The following C2CD5 variants were observed in gnomAD, a reference collection of about 807,000 sequenced individuals.
C2CD5 encodes C2 calcium dependent domain containing 5.
Under a neutral mutation model 130.3 loss-of-function variants are expected in C2CD5, and 109 were observed. That is an observed-to-expected ratio of 0.84 (90% CI 0.72 to 0.98). The LOEUF (loss-of-function observed/expected upper bound fraction) is 0.98, where lower values mean the gene tolerates loss of function less well. Among genes scored for constraint, C2CD5 ranks in the 50% least tolerant of loss-of-function variants. The pLI is 0.00. For missense variants in C2CD5, 996 were observed against 1,261.8 expected (o/e 0.79, Z 3.19); for synonymous variants, 454 against 429.2 (o/e 1.06, Z -0.71).
At chr12:22,477,249 A>G (rs1943977723) in intron 15 of C2CD5, 1 of 152,166 alleles carries the variant, frequency 6.6e-6, no homozygotes, top group Non-Finnish European at 1.5e-5. Flanking sequence ...TCCAGTGTAT[A>G]TTTTATACTT....
chr12:22,526,324 T>TG (rs750417978), intron 4 of C2CD5, among the ~76,000 whole-genome samples: 44 of 152,312 alleles, frequency 2.9e-4, no homozygotes, highest in Non-Finnish European at 5.0e-4. Flanking sequence ...CACGATGTAC[T>TG]AAACACTTTA....
At chr12:22,497,431 T>C (rs957689334) in intron 10 of C2CD5, 2 of 158,712 alleles carry the variant, frequency 1.3e-5, no homozygotes, top group Admixed American at 6.5e-5. Flanking sequence ...TGTTTAAAAA[T>C]AAAAATTATT....
At chr12:22,509,511 C>T (rs775835879) in intron 9 of C2CD5, among the ~76,000 whole-genome samples, 3 of 152,124 alleles carry the variant, frequency 2.0e-5, no homozygotes, top group Admixed American at 6.5e-5. Context: ...TTCACCTAAT[C>T]GGCACACCAA....
intron 16 of C2CD5, among the ~76,000 whole-genome samples, chr12:22,473,990 C>T (rs10842028): frequency 0.1 from 15,489 of 152,054 alleles, 2,328 homozygotes; most frequent in East Asian, 0.76. Context: ...TAGGCCTGTG[C>T]GTCTCTCATA....
intron 15 of C2CD5, among the ~76,000 whole-genome samples, chr12:22,475,570 T>C (rs1275458246): frequency 6.6e-6 from 1 of 151,962 alleles, no homozygotes; most frequent in Non-Finnish European, 1.5e-5. Context: ...AGAATATGAA[T>C]ACGTGAACGC....
chr12:22,463,085 A>T (rs1050383825), intron 22 of C2CD5, among the ~76,000 whole-genome samples: 1 of 151,260 alleles, frequency 6.6e-6, no homozygotes, highest in Non-Finnish European at 1.5e-5. Flanking sequence ...CCCTGTCTCA[A>T]AGAGAGAGAG....
At chr12:22,511,395 G>C (rs1359691448) in intron 9 of C2CD5, among the ~76,000 whole-genome samples, 1 of 152,100 alleles carries the variant, frequency 6.6e-6, no homozygotes, top group African/African-American at 2.4e-5. Flanking sequence ...AATGGCAGTC[G>C]CAAGTGAATA....
chr12:22,507,861 TTTA>T (rs1210442985), intron 9 of C2CD5, among the ~76,000 whole-genome samples: 1 of 152,212 alleles, frequency 6.6e-6, no homozygotes, highest in Non-Finnish European at 1.5e-5. Context: ...GCTCATATAC[TTTA>T]TTCATAGGAG....
At chr12:22,471,054 C>T in intron 20 of C2CD5, 143 bp from the exon 21 acceptor site, 1 of 615,698 alleles carries the variant, frequency 1.6e-6, no homozygotes, top group Non-Finnish European at 2.9e-6. Context: ...TGTATAAATT[C>T]AAATCATACA....
intron 9 of C2CD5, chr12:22,512,644 T>C: frequency 1.3e-6 from 2 of 1,486,204 alleles, no homozygotes; most frequent in Non-Finnish European, 1.8e-6. Context: ...TTCAGAAACA[T>C]ACCCGCCTTC....
chr12:22,492,954 T>A (rs1946535222), intron 11 of C2CD5, among the ~76,000 whole-genome samples: 1 of 152,146 alleles, frequency 6.6e-6, no homozygotes, highest in Non-Finnish European at 1.5e-5. Flanking sequence ...ATATTCTCAT[T>A]TAATCACTGA....
intron 2 of C2CD5, among the ~76,000 whole-genome samples, chr12:22,536,837 T>C (rs1951862126): frequency 6.6e-6 from 1 of 152,146 alleles, no homozygotes; most frequent in Non-Finnish European, 1.5e-5. Flanking sequence ...ATTCAAGTAT[T>C]ACTTGCATAA....
At chr12:22,455,745 C>T (rs1404567984) in intron 25 of C2CD5, among the ~76,000 whole-genome samples, 2 of 152,070 alleles carry the variant, frequency 1.3e-5, no homozygotes, top group Non-Finnish European at 2.9e-5. Context: ...AGTGCAATGG[C>T]GCAATCTCGG....
intron 7 of C2CD5, among the ~76,000 whole-genome samples, chr12:22,522,772 T>C (rs757068230): frequency 6.6e-6 from 1 of 152,244 alleles, no homozygotes; most frequent in Non-Finnish European, 1.5e-5. Context: ...TTAATAAGTA[T>C]AATTGGATTA....
chr12:22,456,958 TC>T lies in C2CD5; in HGVS notation c.2877+12del, dbSNP rs1435520720. 2 of 1,493,240 alleles carry T rather than the reference TC, an allele frequency of 1.3e-6. No individual in the cohort carries two copies. Among genetic ancestry groups the T allele is most frequent in the African/African-American group, 1.4e-5 (1 of 69,908 alleles). 92.5% of individuals were successfully genotyped at this position (1,493,240 alleles called of 1,614,324 possible). On this transcript the variant is annotated intron_variant, in intron 25 of 26. Coordinates refer to ENST00000446597, the MANE Select transcript of C2CD5 (RefSeq NM_001286176.2). Reference sequence around the variant, plus strand: ...AAATTTTTTAAAAAATGAAATAACTTCTATAAAATTACCTCCCGAAGAGAAG... The same window carrying T: ...AAATTTTTTAAAAAATGAAATAACTTTATAAAATTACCTCCCGAAGAGAAG...
At chr12:22,481,133 A>C (rs1591781439) in intron 14 of C2CD5, among the ~76,000 whole-genome samples, 4 of 152,156 alleles carry the variant, frequency 2.6e-5, no homozygotes, top group African/African-American at 9.7e-5. Context: ...ATATGAACCA[A>C]GTTACCTAAT....
intron 7 of C2CD5, among the ~76,000 whole-genome samples, chr12:22,520,692 T>C (rs184697560): frequency 6.6e-6 from 1 of 152,250 alleles, no homozygotes; most frequent in Admixed American, 6.5e-5. Flanking sequence ...TTATAATCAG[T>C]AGTATACACA....
intron 7 of C2CD5, among the ~76,000 whole-genome samples, chr12:22,521,286 A>G (rs1402608043): frequency 2.6e-5 from 4 of 152,236 alleles, no homozygotes; most frequent in Non-Finnish European, 4.4e-5. Context: ...CTTAATTAGT[A>G]AGATGCCTTT....
intron 10 of C2CD5, 42 bp from the exon 11 acceptor site, chr12:22,493,379 A>ATT (rs774742890): frequency 1.0e-6 from 1 of 993,366 alleles, no homozygotes; most frequent in Admixed American, 1.8e-5. Context: ...TCAATAGCAC[A>ATT]TTATATATAT....
Sources: allele counts gnomAD v4.1 joint callset (sites outside exome capture counted in the v4.1 genomes callset), GRCh38; gene constraint gnomAD v4.1.1; transcripts MANE v1.5; gene names NCBI Gene and HGNC (gene_info 2026-07-23, HGNC 2026-07-21).